KLHL41: variants seen among roughly 807,000 people sequenced by gnomAD.
The protein encoded by KLHL41 is kelch like family member 41.
KLHL41 carries 31 observed loss-of-function variants against 49.2 expected under a neutral mutation model. The ratio of observed to expected loss-of-function variants is 0.63; its 90% CI spans 0.47 to 0.85. The LOEUF is 0.85. Among genes scored for constraint, KLHL41 ranks in the 40% least tolerant of loss-of-function variants. KLHL41 has a pLI of 0.00. For synonymous variants in KLHL41, 218 were observed against 258.5 expected (o/e 0.84, Z 1.50); for missense variants, 663 against 726.7 (o/e 0.91, Z 1.01).
intron 3 of KLHL41, among the ~76,000 whole-genome samples, chr2:169,516,691 G>A (rs538002534): frequency 6.6e-6 from 1 of 152,320 alleles, no homozygotes; most frequent in East Asian, 1.9e-4. Flanking sequence ...CTTGACAAAT[G>A]TCAAAGTCAA....
intron 2 of KLHL41, 30 bp downstream of exon 2, chr2:169,514,761 A>G: frequency 6.2e-7 from 1 of 1,610,556 alleles, no homozygotes; most frequent in Non-Finnish European, 8.5e-7. Flanking sequence ...CTGTTCCCTA[A>G]GCATTCAAGT....
Position 169,509,976 on chromosome 2 carries a change from T to C in KLHL41, c.198T>C (p.Ile66=). The change falls in exon 1 of 6, where the codon ATT becomes ATC. Residue 66 remains isoleucine, a synonymous_variant. Coordinates refer to ENST00000284669, the MANE Select transcript of KLHL41 (RefSeq NM_006063.3). ...PYFREYFLSE[I]DEAKKKEVVL... Reference sequence around the variant, plus strand: ...TCCGTGAGTACTTTTTATCTGAAATTGATGAGGCGAAAAAAAAGGAGGTAG... The same window carrying C: ...TCCGTGAGTACTTTTTATCTGAAATCGATGAGGCGAAAAAAAAGGAGGTAG... 2 of 1,614,076 alleles carry C rather than the reference T, an allele frequency of 1.2e-6. No individual in the cohort carries two copies. Among genetic ancestry groups the C allele is most frequent in the South Asian group, 1.1e-5 (1 of 91,068 alleles).
Position 169,510,063 on chromosome 2 carries a change from T to C in KLHL41, c.285T>C (p.Ser95=), listed in dbSNP as rs1684006038. ...TCATCAAATACCTGTACTCTGCCAG[T>C]ATTGATCTCAATGACGGAAATGTGC... ...DLIIKYLYSA[S]IDLNDGNVQD... Residue 95 remains serine, a synonymous_variant, in exon 1 of 6, where the codon AGT becomes AGC. Coordinates refer to ENST00000284669, the MANE Select transcript of KLHL41 (RefSeq NM_006063.3). The surrounding 1 kb of genome is among the most constrained non-coding windows in gnomAD (Gnocchi z 4.2). 3.1e-6 allele frequency: 5 copies of C among 1,614,072 alleles called. No homozygotes were observed. The highest frequency in any genetic ancestry group is 4.2e-6 in the Non-Finnish European group (5 of 1,180,032).
intron 1 of KLHL41, 29 bp from the exon 2 acceptor site, chr2:169,514,545 C>T: frequency 6.3e-7 from 1 of 1,586,148 alleles, no homozygotes; most frequent in Non-Finnish European, 8.6e-7. Context: ...CTAACAGGCT[C>T]CACAATCTCT....
At chr2:169,520,605 C>G (rs577589526) in intron 4 of KLHL41, among the ~76,000 whole-genome samples, 2 of 151,936 alleles carry the variant, frequency 1.3e-5, no homozygotes, top group East Asian at 3.9e-4. Context: ...GTGCGCGCCA[C>G]CGTGCCTGGC....
chr2:169,517,386 T>C (rs1684132673), intron 3 of KLHL41, among the ~76,000 whole-genome samples: 1 of 152,182 alleles, frequency 6.6e-6, no homozygotes, highest in African/African-American at 2.4e-5. Flanking sequence ...GAGGATCACT[T>C]GAGCTCAGGA....
intron 3 of KLHL41, 69 bp downstream of exon 3, chr2:169,515,030 CTTTTCTTTTTTT>C (rs1187318765): frequency 1.2e-6 from 1 of 842,040 alleles, no homozygotes; most frequent in Non-Finnish European, 1.7e-6. Flanking sequence ...TTCCTCTTTT[CTTTTCTTTTTTT>C]TTTTTTTTGA....
chr2:169,512,769 A>G (rs1399650563), intron 1 of KLHL41, among the ~76,000 whole-genome samples: 3 of 152,164 alleles, frequency 2.0e-5, no homozygotes, highest in Non-Finnish European at 4.4e-5. Context: ...CAATATTTAC[A>G]TGAGAATTTC....
rs532056524 is a variant in KLHL41 at position 169,517,913 on chromosome 2, A to G, written c.1377-277A>G. 2.2e-4 allele frequency among the ~76,000 whole-genome samples: 33 copies of G among 152,290 alleles called. No homozygotes were observed. In the South Asian group the frequency reaches 5.2e-3, roughly 24 times the overall value. ...ACTCAAATAGAGTAAAAAAACTTCAATTGAATTTAGTAGATACGATTAAAA... is the reference window on the plus strand; with the variant it reads ...ACTCAAATAGAGTAAAAAAACTTCAGTTGAATTTAGTAGATACGATTAAAA... On this transcript the variant is annotated intron_variant, in intron 3 of 5. Transcript: ENST00000284669.
At chr2:169,523,868 G>C (rs1163945546) in intron 5 of KLHL41, among the ~76,000 whole-genome samples, 1 of 152,148 alleles carries the variant, frequency 6.6e-6, no homozygotes, top group East Asian at 1.9e-4. Flanking sequence ...TGACTTAGAT[G>C]TGTGTTAAAG....
At chr2:169,515,391 A>T (rs1475271724) in intron 3 of KLHL41, among the ~76,000 whole-genome samples, 1 of 152,098 alleles carries the variant, frequency 6.6e-6, no homozygotes, top group Non-Finnish European at 1.5e-5. Context: ...CACCTATCAT[A>T]TTGTGGAGGG....
In KLHL41 at chr2:169,514,842, G is replaced by A. The variant is rs573355443; in HGVS notation, c.1269-12G>A. 96 of 1,599,432 alleles carry A rather than the reference G, an allele frequency of 6.0e-5. No individual in the cohort carries two copies. The highest frequency in any genetic ancestry group is 4.1e-4 in the South Asian group (36 of 88,010). On this transcript the variant is annotated splice_polypyrimidine_tract_variant and intron_variant, in intron 2 of 5. Coordinates refer to ENST00000284669, the MANE Select transcript of KLHL41 (RefSeq NM_006063.3). ...ACTGAAGGTATATAAATTCTGTCTC[G>A]TTTAATTTTAGGGCTGCAAAATGGA...
At chr2:169,518,441 A>C in intron 4 of KLHL41, 66 bp downstream of exon 4, 2 of 1,236,156 alleles carry the variant, frequency 1.6e-6, no homozygotes, top group African/African-American at 1.5e-5. Flanking sequence ...AACTTTGGAT[A>C]AAAAGTTATC....
Position 169,517,565 on chromosome 2 carries a change from C to T in KLHL41, c.1377-625C>T, listed in dbSNP as rs1684135266. Among the ~76,000 whole-genome samples, 4 of 152,238 alleles carry T rather than the reference C, an allele frequency of 2.6e-5. No homozygotes were observed. In the South Asian group the frequency reaches 8.3e-4, roughly 31 times the overall value. On this transcript the variant is annotated intron_variant, in intron 3 of 5. Coordinates refer to ENST00000284669, the MANE Select transcript of KLHL41 (RefSeq NM_006063.3). The stretch of plus-strand genomic sequence containing the variant: ...GTTGCGGTGAGCCAAGATCGCACCA[C>T]TGCACTCCAGCCTGGGTGGCAGAGT...
rs1027488195 is a variant in KLHL41 at position 169,520,877 on chromosome 2, G to A, written c.1579G>A (p.Glu527Lys). The A allele has an allele frequency of 8.1e-6, 13 of 1,612,242 alleles. No homozygotes were observed. The highest frequency in any genetic ancestry group is 1.1e-5 in the South Asian group (1 of 90,872). Residue 527 changes from glutamate to lysine, a missense_variant, in exon 5 of 6, where the codon GAA (glutamate) becomes AAA (lysine). Physicochemically the swap from Glu to Lys is moderately conservative, Grantham distance 56. Coordinates refer to ENST00000284669, the MANE Select transcript of KLHL41 (RefSeq NM_006063.3). ...LTTNKWDVMT[E>K]FPQERSSISL... ...GATACCTAGATGGGATGTAATGACC[G>A]AATTTCCCCAAGAAAGAAGCTCCAT... is the stretch of plus-strand genomic sequence containing the variant.
intron 3 of KLHL41, among the ~76,000 whole-genome samples, chr2:169,517,694 C>G (rs75913112): frequency 2.1e-3 from 313 of 152,044 alleles, no homozygotes; most frequent in Non-Finnish European, 3.3e-3. Flanking sequence ...ATCCATAGTC[C>G]CAGATTTCTT....
chr2:169,518,203 A>C lies in KLHL41; in HGVS notation c.1390A>C (p.Arg464=), dbSNP rs778940575. The change falls in exon 4 of 6, where the codon AGG becomes CGG. Residue 464 remains arginine (R), a synonymous_variant. Transcript: ENST00000284669. ...TTCTGTTTACAGAAAATGTACAAAC[A>C]GGGTGTTTATCTTCAACCCCAAAAA... ...GKTDDKKCTN[R]VFIFNPKKGD... 2.5e-6 allele frequency: 4 copies of C among 1,611,872 alleles called. No individual in the cohort carries two copies. In the East Asian group the frequency reaches 8.9e-5, roughly 36 times the overall value.
chr2:169,514,873 G>A lies in KLHL41; in HGVS notation c.1288G>A (p.Val430Ile), dbSNP rs1229706780. Reference protein sequence around the residue: ...YDPVAAKWNEVKKLPIKVYGH... With the variant: ...YDPVAAKWNEIKKLPIKVYGH... Reference sequence around the variant, plus strand: ...TTTTAGGGCTGCAAAATGGAACGAAGTAAAAAAACTCCCTATCAAAGTCTA... The same window carrying A: ...TTTTAGGGCTGCAAAATGGAACGAAATAAAAAAACTCCCTATCAAAGTCTA... The change falls in exon 3 of 6, where the codon GTA (valine) becomes ATA (isoleucine). Residue 430 changes from valine (V) to isoleucine (I), a missense_variant. This residue lies in a region of KLHL41 where 528 missense variants were observed against 581.0 expected (regional missense o/e 0.91). Coordinates refer to ENST00000284669, the MANE Select transcript of KLHL41 (RefSeq NM_006063.3). 1.2e-6 allele frequency: 2 copies of A among 1,607,848 alleles called. No individual in the cohort carries two copies. The highest frequency in any genetic ancestry group is 1.7e-6 in the Non-Finnish European group (2 of 1,178,350).
chr2:169,517,961 G>A (rs1313718178), intron 3 of KLHL41, among the ~76,000 whole-genome samples: 2 of 152,114 alleles, frequency 1.3e-5, no homozygotes, highest in Non-Finnish European at 2.9e-5. Context: ...GGGGTTCTAA[G>A]CAGCTATCCA....
Sources: allele counts gnomAD v4.1 joint callset (sites outside exome capture counted in the v4.1 genomes callset), GRCh38; gene constraint gnomAD v4.1.1; regional missense constraint gnomAD v4.1.1; non-coding constraint Gnocchi (gnomAD v3.1); transcripts MANE v1.5; gene names NCBI Gene and HGNC (gene_info 2026-07-23, HGNC 2026-07-21).